The following CDKAL1 variants were observed in gnomAD, a reference collection of about 807,000 sequenced individuals.
The protein encoded by CDKAL1 is threonylcarbamoyladenosine tRNA methylthiotransferase.
Under a neutral mutation model 68.2 loss-of-function variants are expected in CDKAL1, and 32 were observed. The ratio of observed to expected loss-of-function variants is 0.47; its 90% CI spans 0.35 to 0.63. The LOEUF (loss-of-function observed/expected upper bound fraction) is 0.63, where lower values mean the gene tolerates loss of function less well. CDKAL1 is among the 30% of genes least tolerant of loss of function. The pLI, the probability that CDKAL1 is intolerant of heterozygous loss-of-function variation, is 0.00. For missense variants in CDKAL1, 606 were observed against 696.7 expected (o/e 0.87, Z 1.47); for synonymous variants, 234 against 244.3 (o/e 0.96, Z 0.39).
chr6:20,822,571 A>G (rs946780683), intron 8 of CDKAL1, among the ~76,000 whole-genome samples: 2 of 152,180 alleles, frequency 1.3e-5, no homozygotes, highest in African/African-American at 4.8e-5. Context: ...GTCCTCACCC[A>G]AATCTCATCT....
intron 12 of CDKAL1, among the ~76,000 whole-genome samples, chr6:21,089,254 T>C (rs891303008): frequency 6.6e-6 from 1 of 151,932 alleles, no homozygotes. Flanking sequence ...GGTGGGAGGA[T>C]TGCTTGAGCC....
At chr6:21,128,848 G>A (rs1775145870) in intron 13 of CDKAL1, among the ~76,000 whole-genome samples, 1 of 152,226 alleles carries the variant, frequency 6.6e-6, no homozygotes, top group African/African-American at 2.4e-5. Context: ...CAATCTTTCT[G>A]TTAAGGGGTG....
intron 11 of CDKAL1, among the ~76,000 whole-genome samples, chr6:21,009,616 A>G (rs75403089): frequency 6.6e-6 from 1 of 152,316 alleles, no homozygotes; most frequent in East Asian, 1.9e-4. Context: ...AATGTCCATC[A>G]TCAGATGAAT....
At chr6:20,957,376 C>G (rs1764829963) in intron 10 of CDKAL1, among the ~76,000 whole-genome samples, 1 of 152,160 alleles carries the variant, frequency 6.6e-6, no homozygotes, top group Admixed American at 6.5e-5. Flanking sequence ...TATAGCAAAT[C>G]CTAGTGCTCA....
chr6:20,826,021 GTT>G (rs1300733623), intron 8 of CDKAL1, among the ~76,000 whole-genome samples: 3 of 152,120 alleles, frequency 2.0e-5, no homozygotes, highest in Non-Finnish European at 4.4e-5. Context: ...TCCCATCAGG[GTT>G]TCTGCTACTT....
At chr6:20,922,361 C>T (rs1762996659) in intron 9 of CDKAL1, among the ~76,000 whole-genome samples, 1 of 152,098 alleles carries the variant, frequency 6.6e-6, no homozygotes, top group Non-Finnish European at 1.5e-5. Context: ...TTACAGTATT[C>T]CTGATTGCTG....
Position 21,108,472 on chromosome 6 carries a change from A to C in CDKAL1, c.1299+9A>C. 1 of 1,567,936 alleles carries C rather than the reference A, an allele frequency of 6.4e-7. No individual in the cohort carries two copies. Among genetic ancestry groups the C allele is most frequent in the African/African-American group, 1.4e-5 (1 of 73,374 alleles). ...GTCCATATGATCACAAGGTAAGAGA[A>C]GCATGTTAATAGCATATTAAGTATT... is the stretch of plus-strand genomic sequence containing the variant. On this transcript the variant is annotated intron_variant, in intron 13 of 15. Transcript: ENST00000274695.
At chr6:20,754,179 G>A (rs573864913) in intron 6 of CDKAL1, among the ~76,000 whole-genome samples, 19 of 152,178 alleles carry the variant, frequency 1.2e-4, no homozygotes, top group African/African-American at 4.3e-4. Context: ...ACAGGATCTC[G>A]CTGTGTTGCC....
At chr6:20,617,466 G>C (rs1329149848) in intron 4 of CDKAL1, among the ~76,000 whole-genome samples, 1 of 152,056 alleles carries the variant, frequency 6.6e-6, no homozygotes, top group African/African-American at 2.4e-5. Flanking sequence ...TGTGCACAAC[G>C]TGCAGGTTTG....
intron 11 of CDKAL1, among the ~76,000 whole-genome samples, chr6:21,009,846 A>T (rs1767919214): frequency 6.6e-6 from 1 of 152,174 alleles, no homozygotes; most frequent in Admixed American, 6.5e-5. Context: ...GTGGAAAGGG[A>T]GGTAGGTGGT....
chr6:20,762,330 G>C (rs1392081327), intron 7 of CDKAL1, among the ~76,000 whole-genome samples: 1 of 152,158 alleles, frequency 6.6e-6, no homozygotes, highest in Non-Finnish European at 1.5e-5. Flanking sequence ...GGCAGGTTTG[G>C]TTAGAGGATG....
At chr6:20,562,842 T>G (rs922043687) in intron 4 of CDKAL1, among the ~76,000 whole-genome samples, 2 of 152,168 alleles carry the variant, frequency 1.3e-5, no homozygotes, top group Admixed American at 1.3e-4. Flanking sequence ...TCCTATACGG[T>G]GCTTTTTCTT....
chr6:21,190,683 C>T (rs1778200450), intron 13 of CDKAL1, among the ~76,000 whole-genome samples: 1 of 152,168 alleles, frequency 6.6e-6, no homozygotes, highest in South Asian at 2.1e-4. Flanking sequence ...GTGTTTTAAT[C>T]TTTGCCTTAG....
chr6:20,564,976 T>C (rs1171482478), intron 4 of CDKAL1, among the ~76,000 whole-genome samples: 3 of 152,074 alleles, frequency 2.0e-5, no homozygotes, highest in Non-Finnish European at 4.4e-5. Context: ...GAATTTGACT[T>C]GAAGTGAGGG....
At chr6:20,821,686 A>G (rs989199478) in intron 8 of CDKAL1, among the ~76,000 whole-genome samples, 3 of 152,094 alleles carry the variant, frequency 2.0e-5, no homozygotes, top group Admixed American at 6.6e-5. Context: ...TGCTGAATGT[A>G]TGGCTTAAGT....
chr6:21,093,141 T>TG (rs1773131075), intron 12 of CDKAL1, among the ~76,000 whole-genome samples: 1 of 152,184 alleles, frequency 6.6e-6, no homozygotes, highest in Non-Finnish European at 1.5e-5. Flanking sequence ...CGCAGCATTA[T>TG]GGATGAAATG....
intron 5 of CDKAL1, among the ~76,000 whole-genome samples, chr6:20,672,274 C>CTT (rs1190920760): frequency 2.3e-5 from 3 of 128,010 alleles, no homozygotes; most frequent in Non-Finnish European, 5.0e-5. Flanking sequence ...TTTTCTTTTT[C>CTT]TTTCTTTCTC....
At chr6:21,140,281 T>C (rs1196824370) in intron 13 of CDKAL1, among the ~76,000 whole-genome samples, 1 of 152,220 alleles carries the variant, frequency 6.6e-6, no homozygotes, top group Non-Finnish European at 1.5e-5. Context: ...GTAGTTGACA[T>C]TGAATAGTTT....
chr6:21,145,116 G>T (rs578075057), intron 13 of CDKAL1, among the ~76,000 whole-genome samples: 1 of 152,242 alleles, frequency 6.6e-6, no homozygotes, highest in Non-Finnish European at 1.5e-5. Context: ...GTGGCATGGA[G>T]CTCATTTGCA....
Sources: allele counts gnomAD v4.1 joint callset (sites outside exome capture counted in the v4.1 genomes callset), GRCh38; gene constraint gnomAD v4.1.1; transcripts MANE v1.5; gene names NCBI Gene and HGNC (gene_info 2026-07-23, HGNC 2026-07-21).